Variants in CTNNA1 observed in about 807,000 individuals in gnomAD.
CTNNA1 encodes catenin alpha 1, also known as catenin alpha-1.
Under a neutral mutation model 98.4 loss-of-function variants are expected in CTNNA1, and 37 were observed. That is an observed-to-expected ratio of 0.38 (90% confidence interval 0.29 to 0.49). CTNNA1 has a LOEUF of 0.49. Ranked by LOEUF, CTNNA1 falls within the 20% of genes least tolerant of loss-of-function variation. CTNNA1 has a pLI of 0.95. For synonymous variants in CTNNA1, 404 were observed against 413.2 expected, an observed-to-expected ratio of 0.98 and a Z score of 0.27; for missense variants, 761 against 1,147.2, an observed-to-expected ratio of 0.66 and a Z score of 4.86.
intron 9 of CTNNA1, among the ~76,000 whole-genome samples, chr5:138,890,824 T>G (rs1029835116): frequency 8.5e-5 from 13 of 152,332 alleles, no homozygotes; most frequent in Admixed American, 7.2e-4. Context: ...GGGCTTGCCA[T>G]GCATGAATAA....
At chr5:138,799,948 G>A (rs999956744) in intron 3 of CTNNA1, among the ~76,000 whole-genome samples, 3 of 152,058 alleles carry the variant, frequency 2.0e-5, no homozygotes, top group Non-Finnish European at 4.4e-5. Flanking sequence ...CCAGTCTGGA[G>A]TGCAGTGGTG....
intron 7 of CTNNA1, among the ~76,000 whole-genome samples, chr5:138,829,513 GAT>G (rs1761053749): frequency 6.6e-6 from 1 of 152,148 alleles, no homozygotes; most frequent in African/African-American, 2.4e-5. Flanking sequence ...CAGTCTATAA[GAT>G]ATCCCTTGAG....
At chr5:138,798,345 A>ATT (rs1757185622) in intron 3 of CTNNA1, among the ~76,000 whole-genome samples, 2 of 152,344 alleles carry the variant, frequency 1.3e-5, no homozygotes, top group East Asian at 3.9e-4. Context: ...TCGAAGCTGG[A>ATT]TTTAGACCCA....
rs528674508 is a variant in CTNNA1 at position 138,934,038 on chromosome 5, C to T, written c.2670C>T (p.His890=). The T allele has an allele frequency of 1.4e-5, 22 of 1,613,884 alleles. No homozygotes were observed. Among genetic ancestry groups the T allele is most frequent in the South Asian group, 9.9e-5 (9 of 91,074 alleles). ...TKIKRASQKK[H]VNPVQALSEF... Reference sequence around the variant, plus strand: ...TTAAACGGGCATCTCAGAAGAAGCACGTGAACCCGGTGCAGGCCCTCAGCG... The same window carrying T: ...TTAAACGGGCATCTCAGAAGAAGCATGTGAACCCGGTGCAGGCCCTCAGCG... The change falls in exon 18 of 18, where the codon CAC becomes CAT. Residue 890 remains histidine (H), a synonymous_variant. Transcript: ENST00000302763.
In CTNNA1 at chr5:138,811,542, G is replaced by C. The variant is rs1188725936; in HGVS notation, c.469-641G>C. ...GCGGCCGGGCAGAGGCTGCACTCTC[G>C]GCGCTTTGGGAGGCCAAGGCAGGTG... On this transcript the variant is annotated intron_variant, in intron 4 of 17. Transcript: ENST00000302763. Among the ~76,000 whole-genome samples, 2 of 151,204 alleles carry C rather than the reference G, an allele frequency of 1.3e-5. 1 individual carries two copies.
chr5:138,788,899 T>C (rs1756017050), intron 3 of CTNNA1, among the ~76,000 whole-genome samples: 1 of 152,246 alleles, frequency 6.6e-6, no homozygotes, highest in South Asian at 2.1e-4. Flanking sequence ...ATCAGTATTA[T>C]TGCTACTTCT....
intron 7 of CTNNA1, among the ~76,000 whole-genome samples, chr5:138,861,861 T>C (rs1764315940): frequency 1.3e-5 from 2 of 152,110 alleles, no homozygotes; most frequent in South Asian, 4.2e-4. Context: ...TGTAGATTAT[T>C]TTGTAGCTGA....
chr5:138,875,472 A>T, intron 7 of CTNNA1: 1 of 985,548 alleles, frequency 1.0e-6, no homozygotes, highest in Non-Finnish European at 1.2e-6. Flanking sequence ...GGGTCGTTGC[A>T]GGACCCCCTG....
intron 7 of CTNNA1, chr5:138,881,088 G>A (rs1752805632): frequency 4.4e-6 from 2 of 456,172 alleles, no homozygotes; most frequent in Admixed American, 4.7e-5. Context: ...ATTCCTCCTT[G>A]TATTGCACAT....
intron 3 of CTNNA1, among the ~76,000 whole-genome samples, chr5:138,796,077 A>G (rs1159816742): frequency 6.6e-6 from 1 of 152,206 alleles, no homozygotes; most frequent in African/African-American, 2.4e-5. Context: ...TTAATGGCTG[A>G]ACACTATCCT....
intron 13 of CTNNA1, among the ~76,000 whole-genome samples, chr5:138,929,030 C>A (rs573162146): frequency 6.6e-6 from 1 of 152,206 alleles, no homozygotes; most frequent in African/African-American, 2.4e-5. Context: ...CCAGCCCAGG[C>A]CTGCTGTGGG....
At chr5:138,927,506 G>C (rs925716855) in intron 13 of CTNNA1, among the ~76,000 whole-genome samples, 1 of 128,306 alleles carries the variant, frequency 7.8e-6, no homozygotes, top group Non-Finnish European at 1.5e-5. Context: ...GCACCTTCTC[G>C]TGAGACTTTT....
chr5:138,798,898 G>T (rs1307099487), intron 3 of CTNNA1, among the ~76,000 whole-genome samples: 1 of 152,008 alleles, frequency 6.6e-6, no homozygotes, highest in East Asian at 1.9e-4. Context: ...GTCTACCTCA[G>T]TTTCCCCAGT....
At chr5:138,893,514 C>T (rs940849516) in intron 9 of CTNNA1, among the ~76,000 whole-genome samples, 1 of 151,984 alleles carries the variant, frequency 6.6e-6, no homozygotes, top group African/African-American at 2.4e-5. Context: ...TGCCCCCTTC[C>T]ATTTGTGTCC....
At chr5:138,839,832 A>G (rs1581224241) in intron 7 of CTNNA1, among the ~76,000 whole-genome samples, 1 of 152,230 alleles carries the variant, frequency 6.6e-6, no homozygotes, top group Admixed American at 6.5e-5. Flanking sequence ...GTGTTAGGCC[A>G]TGGTTACACC....
At chr5:138,757,177 C>A (rs1561490607) in intron 1 of CTNNA1, among the ~76,000 whole-genome samples, 1 of 151,322 alleles carries the variant, frequency 6.6e-6, no homozygotes, top group African/African-American at 2.4e-5. Flanking sequence ...GCCTGGGTGA[C>A]AGAGTGAGAC....
At chr5:138,845,441 A>ATTC (rs1483536915) in intron 7 of CTNNA1, among the ~76,000 whole-genome samples, 1 of 152,256 alleles carries the variant, frequency 6.6e-6, no homozygotes, top group African/African-American at 2.4e-5. Flanking sequence ...TTGGAGCCTG[A>ATTC]TTCTACCTTT....
At chr5:138,778,161 T>TG (rs139626845) in intron 1 of CTNNA1, among the ~76,000 whole-genome samples, 3 of 20,072 alleles carry the variant, frequency 1.5e-4, no homozygotes, top group Non-Finnish European at 3.1e-4. Flanking sequence ...GCCCGGCTAA[T>TG]TTTTTGGTAT....
chr5:138,770,070 A>C (rs1366968522), intron 1 of CTNNA1, among the ~76,000 whole-genome samples: 1 of 148,742 alleles, frequency 6.7e-6, no homozygotes, highest in African/African-American at 2.5e-5. Flanking sequence ...TCTGATCTCA[A>C]GTGATCCGCC....
Sources: allele counts gnomAD v4.1 joint callset (sites outside exome capture counted in the v4.1 genomes callset), GRCh38; gene constraint gnomAD v4.1.1; transcripts MANE v1.5; gene names NCBI Gene and HGNC (gene_info 2026-07-23, HGNC 2026-07-21).